The following CXCL12 variants were observed in gnomAD, a reference collection of about 807,000 sequenced individuals.
CXCL12 encodes stromal cell-derived factor 1.
CXCL12 carries 4 observed loss-of-function variants against 10.7 expected under a neutral mutation model. That is an observed-to-expected ratio of 0.37 (90% CI 0.18 to 0.86). The LOEUF is 0.86. Ranked by LOEUF, CXCL12 falls within the 40% of genes least tolerant of loss-of-function variation. The pLI, the probability that CXCL12 is intolerant of heterozygous loss-of-function variation, is 0.43. For synonymous variants in CXCL12, 54 were observed against 45.4 expected, an observed-to-expected ratio of 1.19 and a Z score of -0.77; for missense variants, 122 against 110.4, an observed-to-expected ratio of 1.10 and a Z score of -0.47.
chr10:44,377,386 T>C lies in CXCL12; in HGVS notation c.*1247A>G. On this transcript the variant is annotated 3_prime_UTR_variant, in exon 3 of 3. Coordinates refer to ENST00000343575, the MANE Select transcript of CXCL12 (RefSeq NM_199168.4). The stretch of plus-strand genomic sequence containing the variant: ...TATATTTTGAAATACATTTGTTTTC[T>C]AAAGAAACGTAAAAAAAAATGTGCA... 1 of 1,080,270 alleles carries C rather than the reference T, an allele frequency of 9.3e-7. No individual in the cohort carries two copies. The highest frequency in any genetic ancestry group is 1.1e-6 in the Non-Finnish European group (1 of 888,514). 66.9% of individuals were successfully genotyped at this position (1,080,270 alleles called of 1,614,324 possible). A position where few individuals can be genotyped will look rare whatever the true frequency, so the allele number is the denominator to read the frequency against.
In CXCL12 at chr10:44,381,295, AG is replaced by A. The variant is rs556483342; in HGVS notation, c.62-416del. ...AGATCTCCCTACTCAGGGAAAAGAA[AG>A]GGGGACAAGAGGCTCCAGGCTCCCT... On this transcript the variant is annotated intron_variant, in intron 1 of 2. Coordinates refer to ENST00000343575, the MANE Select transcript of CXCL12 (RefSeq NM_199168.4). 3.0e-4 allele frequency among the ~76,000 whole-genome samples: 46 copies of A among 152,368 alleles called. No homozygotes were observed. In the East Asian group the frequency reaches 8.9e-3, roughly 29 times the overall value.
chr10:44,378,814 G>A, intron 2 of CXCL12, 91 bp from the exon 3 acceptor site: 1 of 1,265,996 alleles, frequency 7.9e-7, no homozygotes, highest in Non-Finnish European at 1.2e-6. Context: ...CCCATCTAGG[G>A]CCCTCGCTGG....
At chr10:44,374,244 T>A (rs543706632), downstream of CXCL12, 272 of 352,692 alleles carry the variant, frequency 7.7e-4, 3 homozygotes, top group South Asian at 5.7e-3. Context: ...CAACAGCTTT[T>A]CATACTGACC....
chr10:44,380,734 G>A (rs185309544), intron 2 of CXCL12, 29 bp downstream of exon 2: 55 of 1,547,766 alleles, frequency 3.6e-5, no homozygotes, highest in Admixed American at 1.8e-4. Flanking sequence ...AACTATGTTC[G>A]TTAGATGATG....
rs1839525878 is a variant in CXCL12, at chr10:44,378,444, A to G, written c.*189T>C. 6.5e-7 allele frequency: 1 copy of G among 1,540,014 alleles called. No homozygotes were observed. The highest frequency in any genetic ancestry group is 1.4e-5 in the African/African-American group (1 of 73,692). On this transcript the variant is annotated 3_prime_UTR_variant, in exon 3 of 3. Transcript: ENST00000343575. ...AATATAAGCTGCAATATCATACCGTATGCTATAAATGCAGGGTCTAAATGC... is the reference window on the plus strand; with the variant it reads ...AATATAAGCTGCAATATCATACCGTGTGCTATAAATGCAGGGTCTAAATGC...
At chr10:44,384,900 C>G (rs766943804) in intron 1 of CXCL12, 45 bp downstream of exon 1, 16 of 1,510,564 alleles carry the variant, frequency 1.1e-5, no homozygotes, top group Admixed American at 4.0e-5. Flanking sequence ...GGGCGGGAGC[C>G]GAAGCCCAGA....
chr10:44,373,382 T>C (rs770976021), downstream of CXCL12: 7 of 1,566,896 alleles, frequency 4.5e-6, no homozygotes, highest in African/African-American at 1.4e-5. Flanking sequence ...TTAAGGCAGG[T>C]TCCCCCCACA....
Position 44,377,301 on chromosome 10 carries a change from G to A in CXCL12, c.*1332C>T. On this transcript the variant is annotated 3_prime_UTR_variant, in exon 3 of 3. Coordinates refer to ENST00000343575, the MANE Select transcript of CXCL12 (RefSeq NM_199168.4). ...GCCAGTAGTTTGAGATAATAGAGAA[G>A]TATAAACTACTGACATTCATATGGC... The A allele has an allele frequency of 9.8e-7, 1 of 1,015,666 alleles. No homozygotes were observed. The highest frequency in any genetic ancestry group is 1.7e-5 in the African/African-American group (1 of 57,390). 62.9% of individuals were successfully genotyped at this position (1,015,666 alleles called of 1,614,324 possible).
At chr10:44,379,536 G>C (rs1839563478) in intron 2 of CXCL12, among the ~76,000 whole-genome samples, 1 of 152,148 alleles carries the variant, frequency 6.6e-6, no homozygotes, top group African/African-American at 2.4e-5. Flanking sequence ...CAGTGGTTCA[G>C]GGGCACCCAG....
chr10:44,378,443 T>A lies in CXCL12; in HGVS notation c.*190A>T. On this transcript the variant is annotated 3_prime_UTR_variant, in exon 3 of 3. Transcript: ENST00000343575. ...GAATATAAGCTGCAATATCATACCGTATGCTATAAATGCAGGGTCTAAATG... is the reference window on the plus strand; with the variant it reads ...GAATATAAGCTGCAATATCATACCGAATGCTATAAATGCAGGGTCTAAATG... The A allele has an allele frequency of 1.3e-6, 2 of 1,543,704 alleles. No individual in the cohort carries two copies. Among genetic ancestry groups the A allele is most frequent in the Non-Finnish European group, 1.7e-6 (2 of 1,147,254 alleles).
chr10:44,372,031 C>T (rs955162773), downstream of CXCL12: 2 of 152,222 alleles, frequency 1.3e-5, no homozygotes, highest in African/African-American at 2.4e-5. Flanking sequence ...ACAGGTGACA[C>T]GCAGAGCAGA....
downstream of CXCL12, chr10:44,371,675 G>C (rs1308154619): frequency 1.3e-5 from 2 of 153,714 alleles, no homozygotes; most frequent in African/African-American, 2.4e-5. Flanking sequence ...TTAAATTCAA[G>C]AACAGTTACA....
chr10:44,372,483 G>T, downstream of CXCL12: 2 of 352,740 alleles, frequency 5.7e-6, no homozygotes, highest in East Asian at 1.1e-4. Context: ...AGAGGAGGAC[G>T]CTGGCTTTGA....
chr10:44,373,815 G>A (rs1275586586), downstream of CXCL12, among the ~76,000 whole-genome samples: 1 of 152,220 alleles, frequency 6.6e-6, no homozygotes, highest in East Asian at 1.9e-4. Context: ...GGCCCCAGGT[G>A]GGACTGCTGG....
intron 1 of CXCL12, among the ~76,000 whole-genome samples, chr10:44,382,059 T>C (rs1164872629): frequency 6.6e-6 from 1 of 152,140 alleles, no homozygotes; most frequent in Non-Finnish European, 1.5e-5. Flanking sequence ...GGAATTGCAT[T>C]GTGTATTCAG....
Position 44,378,204 on chromosome 10 carries a change from C to G in CXCL12, c.*429G>C, listed in dbSNP as rs531737210. The G allele has an allele frequency of 1.4e-6, 2 of 1,433,280 alleles. No individual in the cohort carries two copies. Among genetic ancestry groups the G allele is most frequent in the African/African-American group, 2.8e-5 (2 of 71,050 alleles). 88.8% of individuals were successfully genotyped at this position (1,433,280 alleles called of 1,614,324 possible). On this transcript the variant is annotated 3_prime_UTR_variant, in exon 3 of 3. Transcript: ENST00000343575. ...CCTGTTAAGCCACCACCTGACTGTGCCCAGACTCCCCAGGGGAGCAGAGGA... is the reference window on the plus strand; with the variant it reads ...CCTGTTAAGCCACCACCTGACTGTGGCCAGACTCCCCAGGGGAGCAGAGGA...
downstream of CXCL12, chr10:44,372,683 G>A: frequency 7.1e-7 from 1 of 1,414,888 alleles, no homozygotes; most frequent in Non-Finnish European, 9.2e-7. Flanking sequence ...ATGAGACAGA[G>A]AATGATGAGC....
At position 44,381,068 on chromosome 10, in the gene CXCL12, C is replaced by A. The variant is rs557340120; in HGVS notation, c.62-188G>T. 5.7e-4 allele frequency among the ~76,000 whole-genome samples: 87 copies of A among 152,300 alleles called. 1 individual carries two copies. The highest frequency in any genetic ancestry group is 2.0e-3 in the African/African-American group (83 of 41,566). The stretch of plus-strand genomic sequence containing the variant: ...CAACACAGTGAGTGCTGGCTGAGCT[C>A]AGGCTCAGCTTCTACAGGGCAAGGA... On this transcript the variant is annotated intron_variant, in intron 1 of 2. Coordinates refer to ENST00000343575, the MANE Select transcript of CXCL12 (RefSeq NM_199168.4).
chr10:44,373,066 C>CT (rs1231791422), downstream of CXCL12: 3 of 1,536,242 alleles, frequency 2.0e-6, no homozygotes, highest in East Asian at 4.9e-5. Flanking sequence ...GAAAGACACT[C>CT]TAATAAGGCA....
Sources: allele counts gnomAD v4.1 joint callset (sites outside exome capture counted in the v4.1 genomes callset), GRCh38; gene constraint gnomAD v4.1.1; transcripts MANE v1.5; gene names NCBI Gene and HGNC (gene_info 2026-07-23, HGNC 2026-07-21).